Variants in DCP1B observed in about 807,000 individuals in gnomAD.
The protein encoded by DCP1B is mRNA-decapping enzyme 1B.
A neutral mutation model predicts 60.5 loss-of-function variants in DCP1B; 47 were observed. The ratio of observed to expected loss-of-function variants is 0.78; its 90% confidence interval spans 0.61 to 0.99. DCP1B has a LOEUF of 0.99. Among genes scored for constraint, DCP1B ranks in the 50% least tolerant of loss-of-function variants. The probability of loss-of-function intolerance (pLI) is 0.00; values close to 1 mark genes in which losing one functional copy is unlikely to be tolerated. For synonymous variants in DCP1B, 267 were observed against 280.3 expected (o/e 0.95, Z 0.47); for missense variants, 725 against 756.8 (o/e 0.96, Z 0.49).
intron 3 of DCP1B, among the ~76,000 whole-genome samples, chr12:1,972,583 T>A (rs1427422526): frequency 6.6e-6 from 1 of 152,220 alleles, no homozygotes; most frequent in Non-Finnish European, 1.5e-5. Flanking sequence ...GAATCTGTGG[T>A]CTAACAAGGT....
intron 3 of DCP1B, among the ~76,000 whole-genome samples, chr12:1,984,927 C>T (rs1318080820): frequency 6.6e-6 from 1 of 150,758 alleles, no homozygotes; most frequent in Non-Finnish European, 1.5e-5. Context: ...GAAAATGTTG[C>T]TCCACTGTCT....
At chr12:1,951,675 T>C (rs1473985779) in intron 7 of DCP1B, among the ~76,000 whole-genome samples, 1 of 152,224 alleles carries the variant, frequency 6.6e-6, no homozygotes, top group Non-Finnish European at 1.5e-5. Context: ...GGAAATAGGC[T>C]GTTTTTTGTT....
intron 3 of DCP1B, among the ~76,000 whole-genome samples, chr12:1,969,784 C>T (rs998227882): frequency 2.0e-5 from 3 of 152,116 alleles, no homozygotes; most frequent in South Asian, 2.1e-4. Context: ...GGATCACTGA[C>T]GTTCAACCAC....
At position 1,997,155 on chromosome 12, in the gene DCP1B, T is replaced by G. The variant is rs551255826; in HGVS notation, c.191+780A>C. Among the ~76,000 whole-genome samples the G allele has an allele frequency of 5.9e-5, 9 of 152,354 alleles. No homozygotes were observed. In the South Asian group the frequency reaches 1.9e-3, roughly 32 times the overall value. ...TTTATTAAATCTATCCTGAAACATA[T>G]TCTATTGACTAGACAATGGAGGACT... On this transcript the variant is annotated intron_variant, in intron 2 of 8. Transcript: ENST00000280665.
chr12:1,988,231 C>G (rs1302010428), intron 3 of DCP1B, among the ~76,000 whole-genome samples: 1 of 152,176 alleles, frequency 6.6e-6, no homozygotes, highest in Non-Finnish European at 1.5e-5. Context: ...TCATTGTTAC[C>G]TCTGTGCCAT....
intron 3 of DCP1B, among the ~76,000 whole-genome samples, chr12:1,985,898 C>T (rs931014859): frequency 6.6e-6 from 1 of 152,162 alleles, no homozygotes; most frequent in African/African-American, 2.4e-5. Context: ...GCAAGCTCCA[C>T]CTCCTGGGTT....
At chr12:1,967,809 A>G in intron 4 of DCP1B, 35 bp downstream of exon 4, 13 of 1,570,586 alleles carry the variant, frequency 8.3e-6, no homozygotes, top group Non-Finnish European at 1.1e-5. Context: ...CAAAAGCACC[A>G]GGTCCTGAAA....
In DCP1B at chr12:1,967,923, C is replaced by T; in HGVS notation, c.320-13G>A. ...CCATAGATGGACACTGCAAAAAACA[C>T]ACATCAAACAAATTATGAGCATCTT... On this transcript the variant is annotated splice_polypyrimidine_tract_variant and intron_variant, in intron 3 of 8. Coordinates refer to ENST00000280665, the MANE Select transcript of DCP1B (RefSeq NM_152640.5). 1 of 1,604,678 alleles carries T rather than the reference C, an allele frequency of 6.2e-7. No homozygotes were observed. Among genetic ancestry groups the T allele is most frequent in the East Asian group, 2.2e-5 (1 of 44,626 alleles).
rs1334704841 is a variant in DCP1B, at chr12:1,949,200, T to C, written c.1659A>G (p.Pro553=). Reference sequence around the variant, plus strand: ...GGAGGAGGCTGGTGGCAGCAGCAGGTGGCTCCTGGCCTCCCACAGGCAAGA... The same window carrying C: ...GGAGGAGGCTGGTGGCAGCAGCAGGCGGCTCCTGGCCTCCCACAGGCAAGA... ...SGLLPVGGQE[P]PAAATSLLLP... is the part of the protein sequence containing the mutation. The change falls in exon 8 of 9, where the codon CCA becomes CCG. Residue 553 remains proline (P), a synonymous_variant. Coordinates refer to ENST00000280665, the MANE Select transcript of DCP1B (RefSeq NM_152640.5). 1 of 1,614,048 alleles carries C rather than the reference T, an allele frequency of 6.2e-7. No homozygotes were observed. Among genetic ancestry groups the C allele is most frequent in the Non-Finnish European group, 8.5e-7 (1 of 1,180,006 alleles).
At chr12:1,953,349 C>A in intron 6 of DCP1B, 61 bp from the exon 7 acceptor site, 1 of 1,478,424 alleles carries the variant, frequency 6.8e-7, no homozygotes, top group East Asian at 2.3e-5. Flanking sequence ...TGAGGAAGTG[C>A]TATGAAACAT....
At chr12:1,973,884 G>A (rs1316605731) in intron 3 of DCP1B, among the ~76,000 whole-genome samples, 1 of 152,092 alleles carries the variant, frequency 6.6e-6, no homozygotes, top group Non-Finnish European at 1.5e-5. Context: ...TATCATGCAG[G>A]GAGTCCCTAA....
chr12:1,948,968 A>AC lies in DCP1B; in HGVS notation c.1773+117dup, dbSNP rs2030546877. 7.4e-7 allele frequency: 1 copy of AC among 1,356,128 alleles called. No individual in the cohort carries two copies. The highest frequency in any genetic ancestry group is 1.4e-5 in the South Asian group (1 of 71,444). 84.0% of individuals were successfully genotyped at this position (1,356,128 alleles called of 1,614,324 possible). On this transcript the variant is annotated intron_variant, in intron 8 of 8. Transcript: ENST00000280665. This position sits in a 1 kb window ranked among gnomAD's most constrained non-coding sequence, Gnocchi z 4.8. ...CGCTGGGGTCAGGATGAGTTGTTAC[A>AC]CACACCTGTTATTCTCACGGAAGCT... is the stretch of plus-strand genomic sequence containing the variant.
chr12:1,942,935 AT>A (rs1455203407), downstream of DCP1B, among the ~76,000 whole-genome samples: 47 of 152,328 alleles, frequency 3.1e-4, 1 homozygote, highest in African/African-American at 1.1e-3. Flanking sequence ...AAGACAAGAA[AT>A]AACTAAAATC....
chr12:1,993,627 G>GGGGTGT (rs1555213620), intron 2 of DCP1B, among the ~76,000 whole-genome samples: 1,686 of 146,668 alleles, frequency 0.011, 33 homozygotes, highest in African/African-American at 0.04. Flanking sequence ...CTTCATTTGT[G>GGGGTGT]GTGTGTGTGT....
chr12:1,963,733 C>A (rs1417390863), intron 5 of DCP1B, among the ~76,000 whole-genome samples: 1 of 152,096 alleles, frequency 6.6e-6, no homozygotes. Context: ...CTTTGAAGAG[C>A]CCTGACACCT....
chr12:1,952,623 A>G lies in DCP1B; in HGVS notation c.1317T>C (p.Ser439=). ...LPRQTLPISG[S]QTGSSGVISP... ...AGATCACTCCAGAGCTGCCAGTCTGACTACCAGAGATGGGGAGTGTTTGTC... is the reference window on the plus strand; with the variant it reads ...AGATCACTCCAGAGCTGCCAGTCTGGCTACCAGAGATGGGGAGTGTTTGTC... The change falls in exon 7 of 9, where the codon AGT becomes AGC. Residue 439 remains serine (S), a synonymous_variant. Coordinates refer to ENST00000280665, the MANE Select transcript of DCP1B (RefSeq NM_152640.5). The G allele has an allele frequency of 6.2e-7, 1 of 1,614,112 alleles. No homozygotes were observed. The highest frequency in any genetic ancestry group is 2.2e-5 in the East Asian group (1 of 44,874).
At chr12:1,967,983 T>C (rs1448148437) in intron 3 of DCP1B, 73 bp from the exon 4 acceptor site, 2 of 1,171,596 alleles carry the variant, frequency 1.7e-6, no homozygotes, top group Non-Finnish European at 2.5e-6. Flanking sequence ...CTCCTTTCCA[T>C]CTTAAATACA....
chr12:2,004,221 C>A, intron 1 of DCP1B, 61 bp downstream of exon 1: 4 of 1,596,892 alleles, frequency 2.5e-6, no homozygotes, highest in Non-Finnish European at 3.4e-6. Flanking sequence ...AGTCCTGAGT[C>A]TGACGCCCCC....
intron 5 of DCP1B, among the ~76,000 whole-genome samples, chr12:1,956,257 A>G (rs768086549): frequency 6.6e-6 from 1 of 152,208 alleles, no homozygotes; most frequent in Non-Finnish European, 1.5e-5. Context: ...ATTCATAACA[A>G]AAAGAGCATG....
Sources: gnomAD v4.1 joint callset for allele counts (sites outside exome capture counted in the v4.1 genomes callset) on GRCh38, gnomAD v4.1.1 for gene constraint, Gnocchi (gnomAD v3.1) non-coding constraint, MANE v1.5 for transcripts, NCBI Gene and HGNC (gene_info 2026-07-23, HGNC 2026-07-21) for gene names.